The following SLC25A21 variants were observed in gnomAD, a reference collection of about 807,000 sequenced individuals.
The protein encoded by SLC25A21 is solute carrier family 25 member 21, also known as mitochondrial 2-oxodicarboxylate carrier.
Under a neutral mutation model 43.8 loss-of-function variants are expected in SLC25A21, and 47 were observed. That is an observed-to-expected ratio of 1.07 (90% confidence interval 0.85 to 1.37). SLC25A21 has a LOEUF of 1.37. SLC25A21 is among the 40% of genes most tolerant of loss of function. The probability of loss-of-function intolerance (pLI) is 0.00; values close to 1 mark genes in which losing one functional copy is unlikely to be tolerated. For missense variants in SLC25A21, 352 were observed against 350.2 expected (o/e 1.00, Z -0.04); for synonymous variants, 131 against 121.3 (o/e 1.08, Z -0.52).
chr14:36,958,679 G>GCACACACACACACA (rs71124786), intron 1 of SLC25A21, among the ~76,000 whole-genome samples: 9 of 136,972 alleles, frequency 6.6e-5, no homozygotes, highest in Middle Eastern at 3.6e-3. Context: ...AAGCACACGT[G>GCACACACACACACA]CACACACACA....
intron 3 of SLC25A21, among the ~76,000 whole-genome samples, chr14:36,762,895 C>T (rs149042527): frequency 1.3e-3 from 194 of 152,286 alleles, no homozygotes; most frequent in African/African-American, 4.5e-3. Context: ...ACGTCATTAT[C>T]TTGAATTAAT....
intron 1 of SLC25A21, among the ~76,000 whole-genome samples, chr14:36,917,970 T>G (rs1030398747): frequency 6.6e-6 from 1 of 152,146 alleles, no homozygotes; most frequent in Admixed American, 6.6e-5. Context: ...ATGTCATGAT[T>G]GTAAGAGTTT....
At chr14:36,935,616 T>C (rs573062636) in intron 1 of SLC25A21, among the ~76,000 whole-genome samples, 14 of 152,158 alleles carry the variant, frequency 9.2e-5, no homozygotes, top group Admixed American at 2.0e-4. Flanking sequence ...TAGTTTAAGT[T>C]GTCCTCACTG....
rs138864548 is a variant in SLC25A21, at chr14:36,709,077, G to A, written c.603+2241C>T. ...GGCTGGAGTGCAATGGCGCCAGCTCGGCTCACTGCAGCCTCCACCTCCCAA... is the reference window on the plus strand; with the variant it reads ...GGCTGGAGTGCAATGGCGCCAGCTCAGCTCACTGCAGCCTCCACCTCCCAA... On this transcript the variant is annotated intron_variant, in intron 7 of 9. Transcript: ENST00000331299. Among the ~76,000 whole-genome samples the A allele has an allele frequency of 5.6e-4, 85 of 150,782 alleles. 1 individual carries two copies. Among genetic ancestry groups the A allele is most frequent in the Middle Eastern group, 3.5e-3 (1 of 286 alleles).
chr14:36,795,928 A>C (rs1379659153), intron 3 of SLC25A21, among the ~76,000 whole-genome samples: 1 of 152,204 alleles, frequency 6.6e-6, no homozygotes, highest in African/African-American at 2.4e-5. Flanking sequence ...GTTCAGATGC[A>C]ACACAGCATA....
At chr14:36,740,796 C>T (rs1044514500) in intron 3 of SLC25A21, among the ~76,000 whole-genome samples, 4 of 152,102 alleles carry the variant, frequency 2.6e-5, no homozygotes, top group Admixed American at 6.5e-5. Flanking sequence ...GGCAAACCCT[C>T]AAAGATGCCT....
rs201669307 is a variant in SLC25A21 at position 37,089,277 on chromosome 14, C to CAT, written c.70+83002_70+83003dup. On this transcript the variant is annotated intron_variant, in intron 1 of 9. Coordinates refer to ENST00000331299, the MANE Select transcript of SLC25A21 (RefSeq NM_030631.4). ...TCTCAAAATATGTGTGTTAACAAAACATATATATATATATTTTCTACAGTC... is the reference window on the plus strand; with the variant it reads ...TCTCAAAATATGTGTGTTAACAAAACATATATATATATATATTTTCTACAGTC... Among the ~76,000 whole-genome samples, 25 of 151,310 alleles carry CAT rather than the reference C, an allele frequency of 1.7e-4. No homozygotes were observed. In the South Asian group the frequency reaches 2.1e-3, roughly 13 times the overall value.
chr14:36,687,045 C>T (rs765981863), intron 7 of SLC25A21, among the ~76,000 whole-genome samples: 7 of 152,158 alleles, frequency 4.6e-5, no homozygotes, highest in Non-Finnish European at 7.3e-5. Context: ...TCCACCTCCT[C>T]GGTTCAGTGG....
intron 1 of SLC25A21, among the ~76,000 whole-genome samples, chr14:36,908,907 T>G (rs1891605648): frequency 6.6e-6 from 1 of 152,198 alleles, no homozygotes; most frequent in Admixed American, 6.5e-5. Flanking sequence ...TTTACTATGC[T>G]TTGAGTCTCA....
chr14:37,113,409 T>A (rs1963054220), intron 1 of SLC25A21, among the ~76,000 whole-genome samples: 1 of 152,136 alleles, frequency 6.6e-6, no homozygotes, highest in Non-Finnish European at 1.5e-5. Flanking sequence ...CAAGATTGTG[T>A]ACACAAACTG....
chr14:37,079,940 C>T (rs114323206), intron 1 of SLC25A21, among the ~76,000 whole-genome samples: 2 of 151,938 alleles, frequency 1.3e-5, no homozygotes, highest in African/African-American at 2.4e-5. Context: ...GGAAAGAGTG[C>T]CCTTATAGAA....
chr14:37,063,340 A>C (rs377336152), intron 1 of SLC25A21, among the ~76,000 whole-genome samples: 17 of 152,174 alleles, frequency 1.1e-4, no homozygotes, highest in African/African-American at 3.9e-4. Flanking sequence ...TCTCTACTAA[A>C]AATATAAAAA....
intron 1 of SLC25A21, among the ~76,000 whole-genome samples, chr14:36,876,339 A>G (rs1890522274): frequency 6.6e-6 from 1 of 152,184 alleles, no homozygotes; most frequent in African/African-American, 2.4e-5. Flanking sequence ...CTAGGTTGCA[A>G]AGTCCTATGT....
At chr14:37,113,124 T>C (rs1172145318) in intron 1 of SLC25A21, among the ~76,000 whole-genome samples, 1 of 152,146 alleles carries the variant, frequency 6.6e-6, no homozygotes, top group Non-Finnish European at 1.5e-5. Flanking sequence ...ACACCTCAGG[T>C]AGGTCAGATT....
intron 1 of SLC25A21, among the ~76,000 whole-genome samples, chr14:36,926,859 T>G (rs1317116886): frequency 2.0e-5 from 3 of 152,150 alleles, no homozygotes; most frequent in Non-Finnish European, 4.4e-5. Flanking sequence ...AGTAATTCTG[T>G]ATCACTTAAA....
intron 1 of SLC25A21, among the ~76,000 whole-genome samples, chr14:36,955,731 T>TG (rs1249165841): frequency 1.7e-5 from 1 of 59,870 alleles, no homozygotes; most frequent in African/African-American, 5.0e-5. Flanking sequence ...CTAAGGTTGT[T>TG]TTTTTTTGTT....
intron 7 of SLC25A21, among the ~76,000 whole-genome samples, chr14:36,691,034 A>G (rs1882774138): frequency 6.6e-6 from 1 of 152,236 alleles, no homozygotes; most frequent in Non-Finnish European, 1.5e-5. Context: ...AAGCCCCACA[A>G]CATCCCAGAG....
chr14:36,840,544 C>A (rs1250664468), intron 2 of SLC25A21, among the ~76,000 whole-genome samples: 1 of 152,312 alleles, frequency 6.6e-6, no homozygotes, highest in Non-Finnish European at 1.5e-5. Flanking sequence ...CTAATGAGAG[C>A]AGAAGAATCA....
intron 1 of SLC25A21, among the ~76,000 whole-genome samples, chr14:37,042,136 T>A (rs903846456): frequency 2.6e-5 from 4 of 152,198 alleles, no homozygotes; most frequent in African/African-American, 9.6e-5. Flanking sequence ...GTGAATTTGA[T>A]ACTCTCAGCT....
Sources: gnomAD v4.1 joint callset for allele counts (sites outside exome capture counted in the v4.1 genomes callset) on GRCh38, gnomAD v4.1.1 for gene constraint, MANE v1.5 for transcripts, NCBI Gene and HGNC (gene_info 2026-07-23, HGNC 2026-07-21) for gene names.